Variants in ARHGAP39 observed in about 807,000 individuals in gnomAD.
ARHGAP39 encodes the protein Rho GTPase activating protein 39.
A neutral mutation model predicts 106.9 loss-of-function variants in ARHGAP39; 44 were observed. That is an observed-to-expected ratio of 0.41 (90% CI 0.32 to 0.53). The LOEUF is 0.53. Among genes scored for constraint, ARHGAP39 ranks in the 20% least tolerant of loss-of-function variants. The pLI, the probability that ARHGAP39 is intolerant of heterozygous loss-of-function variation, is 0.21. For synonymous variants in ARHGAP39, 768 were observed against 693.2 expected (o/e 1.11, Z -1.69); for missense variants, 1,496 against 1,577.3 (o/e 0.95, Z 0.87).
At position 144,580,828 on chromosome 8, in the gene ARHGAP39, A is replaced by G; in HGVS notation, c.512+18T>C. The G allele has an allele frequency of 3.2e-6, 4 of 1,267,654 alleles. No homozygotes were observed. The highest frequency in any genetic ancestry group is 4.0e-6 in the Non-Finnish European group (4 of 989,032). 78.5% of individuals were successfully genotyped at this position (1,267,654 alleles called of 1,614,324 possible). On this transcript the variant is annotated intron_variant, in intron 3 of 11. Transcript: ENST00000377307. ...CCATTCACCTGGCCCCGCCCATAGC[A>G]GCTGCCCCCGCCCTCACCTGCCGCT...
At chr8:144,559,608 T>C (rs1360204161) in intron 3 of ARHGAP39, among the ~76,000 whole-genome samples, 1 of 152,156 alleles carries the variant, frequency 6.6e-6, no homozygotes, top group African/African-American at 2.4e-5. Context: ...ACGGTTGTGG[T>C]AAAATATTTT....
At chr8:144,683,573 C>G (rs1304065625) in intron 1 of ARHGAP39, 2 of 151,794 alleles carry the variant, frequency 1.3e-5, no homozygotes, top group African/African-American at 4.8e-5. Context: ...TCTTGAACTC[C>G]TGACCTCAAG....
chr8:144,593,809 G>C (rs539621768), intron 2 of ARHGAP39, among the ~76,000 whole-genome samples: 1 of 152,270 alleles, frequency 6.6e-6, no homozygotes, highest in East Asian at 1.9e-4. Context: ...AAAAAGACAG[G>C]CTGGGTGCCG....
intron 3 of ARHGAP39, among the ~76,000 whole-genome samples, chr8:144,557,054 A>G (rs1817953218): frequency 1.4e-5 from 2 of 144,764 alleles, no homozygotes; most frequent in Non-Finnish European, 3.0e-5. Flanking sequence ...CATAGTATTC[A>G]GCGGCAAAAG....
At chr8:144,576,160 G>C (rs573538720) in intron 3 of ARHGAP39, among the ~76,000 whole-genome samples, 1 of 151,636 alleles carries the variant, frequency 6.6e-6, no homozygotes, top group African/African-American at 2.4e-5. Context: ...TGGTGAAACC[G>C]TGTCTCTACT....
At position 144,547,292 on chromosome 8, in the gene ARHGAP39, C is replaced by T. The variant is rs549604401; in HGVS notation, c.1794G>A (p.Pro598=). The change falls in exon 5 of 12, where the codon CCG becomes CCA. Residue 598 remains proline (P), a synonymous_variant. Coordinates refer to ENST00000377307, the MANE Select transcript of ARHGAP39 (RefSeq NM_025251.3). This position sits in a 1 kb window ranked among gnomAD's most constrained non-coding sequence, Gnocchi z 5.2. The part of the protein sequence containing the change: ...DGALPLPMPG[P]VVRAFSEDEA... ...CGTCCTCGCTGAAGGCCCGCACCACCGGCCCGGGCATGGGCAGTGGCAGGG... is the reference window on the plus strand; with the variant it reads ...CGTCCTCGCTGAAGGCCCGCACCACTGGCCCGGGCATGGGCAGTGGCAGGG... The T allele has an allele frequency of 8.1e-6, 13 of 1,611,912 alleles. No homozygotes were observed. The highest frequency in any genetic ancestry group is 1.1e-5 in the Non-Finnish European group (13 of 1,179,698).
rs1379346684 is a variant in ARHGAP39 at position 144,645,515 on chromosome 8, G to A, written c.-81-39820C>T. Among the ~76,000 whole-genome samples, 2 of 152,108 alleles carry A rather than the reference G, an allele frequency of 1.3e-5. No homozygotes were observed. The highest frequency in any genetic ancestry group is 2.9e-5 in the Non-Finnish European group (2 of 68,004). On this transcript the variant is annotated intron_variant, in intron 1 of 11. Coordinates refer to ENST00000377307, the MANE Select transcript of ARHGAP39 (RefSeq NM_025251.3). The surrounding 1 kb of genome is among the most constrained non-coding windows in gnomAD (Gnocchi z 4.4). ...GTCTCCGTCAGGGCAGAGCCTCCCC[G>A]CCTCACTCTGGTCTCTCCTGGCAGA...
chr8:144,654,370 T>C (rs1208345022), intron 1 of ARHGAP39, among the ~76,000 whole-genome samples: 1 of 151,664 alleles, frequency 6.6e-6, no homozygotes, highest in Non-Finnish European at 1.5e-5. Flanking sequence ...CTGGGCATGG[T>C]GGCAGGTGCT....
At chr8:144,620,606 C>T (rs569539406) in intron 1 of ARHGAP39, among the ~76,000 whole-genome samples, 64 of 150,218 alleles carry the variant, frequency 4.3e-4, no homozygotes, top group African/African-American at 1.3e-3. Context: ...CGTGTGAGTA[C>T]GTGTGTGTGA....
intron 1 of ARHGAP39, among the ~76,000 whole-genome samples, chr8:144,623,261 G>A (rs1191301071): frequency 6.6e-6 from 1 of 152,102 alleles, no homozygotes; most frequent in Non-Finnish European, 1.5e-5. Context: ...TCCAAAAGAA[G>A]TCAAGAAACG....
In ARHGAP39 at chr8:144,604,697, A is replaced by G. The variant is rs550090930; in HGVS notation, c.80+838T>C. ...TTCCAGATTAAAAAAGGCCAAGGAGAGAGAGGCAGTCAGGGGCAGAGCTGA... is the reference window on the plus strand; with the variant it reads ...TTCCAGATTAAAAAAGGCCAAGGAGGGAGAGGCAGTCAGGGGCAGAGCTGA... On this transcript the variant is annotated intron_variant, in intron 2 of 11. Transcript: ENST00000377307. The surrounding 1 kb of genome is among the most constrained non-coding windows in gnomAD (Gnocchi z 4.1). Among the ~76,000 whole-genome samples the G allele has an allele frequency of 5.0e-4, 76 of 152,192 alleles. No individual in the cohort carries two copies. Among genetic ancestry groups the G allele is most frequent in the African/African-American group, 1.8e-3 (73 of 41,536 alleles).
chr8:144,697,754 T>C, the ARHGAP39 span, among the ~76,000 whole-genome samples: 26 of 152,194 alleles, frequency 1.7e-4, no homozygotes, highest in South Asian at 5.4e-3. Context: ...GGCCTCCCAA[T>C]GTGCTGGGAT....
chr8:144,608,772 T>C (rs1034598131), intron 1 of ARHGAP39, among the ~76,000 whole-genome samples: 2 of 152,218 alleles, frequency 1.3e-5, no homozygotes, highest in Non-Finnish European at 2.9e-5. Context: ...AGCAACATTT[T>C]GTAGTTTTTA....
At chr8:144,632,684 A>G (rs1008798043) in intron 1 of ARHGAP39, among the ~76,000 whole-genome samples, 13 of 152,210 alleles carry the variant, frequency 8.5e-5, no homozygotes, top group Non-Finnish European at 1.5e-4. Flanking sequence ...CTCCCCAGGC[A>G]GCGCTGCACA....
At chr8:144,626,757 C>T (rs1051404286) in intron 1 of ARHGAP39, among the ~76,000 whole-genome samples, 9 of 152,360 alleles carry the variant, frequency 5.9e-5, no homozygotes, top group South Asian at 2.1e-4. Flanking sequence ...ACCGGGGACA[C>T]GCCCGCGGCT....
chr8:144,661,164 C>T (rs1461628989), intron 1 of ARHGAP39, among the ~76,000 whole-genome samples: 2 of 152,172 alleles, frequency 1.3e-5, no homozygotes, highest in African/African-American at 4.8e-5. Flanking sequence ...CAGCTTCACC[C>T]ACTCCGGGAC....
intron 1 of ARHGAP39, among the ~76,000 whole-genome samples, chr8:144,651,202 G>C (rs1821564990): frequency 6.6e-6 from 1 of 151,948 alleles, no homozygotes; most frequent in South Asian, 2.1e-4. Context: ...TAACCAGGGA[G>C]GTAAAAGATC....
In ARHGAP39 at chr8:144,591,068, C is replaced by A. The variant is rs1357408852; in HGVS notation, c.81-9791G>T. 2.0e-5 allele frequency among the ~76,000 whole-genome samples: 3 copies of A among 152,096 alleles called. No individual in the cohort carries two copies. Among genetic ancestry groups the A allele is most frequent in the Non-Finnish European group, 4.4e-5 (3 of 68,044 alleles). On this transcript the variant is annotated intron_variant, in intron 2 of 11. Coordinates refer to ENST00000377307, the MANE Select transcript of ARHGAP39 (RefSeq NM_025251.3). This position sits in a 1 kb window ranked among gnomAD's most constrained non-coding sequence, Gnocchi z 5.3. ...AAAGCCCCCATCCCCCTGGTCCACT[C>A]CTCAGCCTGGCCGGTCTCTGTCACC... is the stretch of plus-strand genomic sequence containing the variant.
At chr8:144,549,994 C>T (rs565729539) in intron 4 of ARHGAP39, among the ~76,000 whole-genome samples, 2 of 152,288 alleles carry the variant, frequency 1.3e-5, no homozygotes, top group Non-Finnish European at 2.9e-5. Context: ...AGGGAATGGC[C>T]AGGCATGGTG....
Sources: gnomAD v4.1 joint callset for allele counts (sites outside exome capture counted in the v4.1 genomes callset) on GRCh38, gnomAD v4.1.1 for gene constraint, Gnocchi (gnomAD v3.1) non-coding constraint, MANE v1.5 for transcripts, NCBI Gene and HGNC (gene_info 2026-07-23, HGNC 2026-07-21) for gene names.